TBP: variants seen among roughly 807,000 people sequenced by gnomAD.
TBP encodes the protein TATA-box binding protein, also known as TATA-box-binding protein.
A neutral mutation model predicts 46.2 loss-of-function variants in TBP; 12 were observed. The observed-to-expected ratio is 0.26, with a 90% CI of 0.17 to 0.42. The LOEUF (loss-of-function observed/expected upper bound fraction) is 0.42. TBP is among the 10% of genes least tolerant of loss of function. The pLI, the probability that TBP is intolerant of heterozygous loss-of-function variation, is 1.00. For missense variants in TBP, 229 were observed against 403.1 expected (o/e 0.57, Z 3.70); for synonymous variants, 157 against 148.3 (o/e 1.06, Z -0.42).
At chr6:170,557,376 C>A (rs1259602363) in intron 2 of TBP, among the ~76,000 whole-genome samples, 1 of 152,050 alleles carries the variant, frequency 6.6e-6, no homozygotes, top group East Asian at 1.9e-4. Context: ...TCACCCTCAC[C>A]AAATTATTTT....
intron 2 of TBP, 38 bp from the exon 3 acceptor site, chr6:170,561,753 C>G: frequency 6.3e-7 from 1 of 1,588,784 alleles, no homozygotes; most frequent in East Asian, 2.2e-5. Context: ...CACTTAGCAG[C>G]AGCCAGCCTA....
chr6:170,568,070 C>A (rs1779297366), intron 5 of TBP, among the ~76,000 whole-genome samples: 1 of 152,166 alleles, frequency 6.6e-6, no homozygotes, highest in Non-Finnish European at 1.5e-5. Flanking sequence ...TTGGTGTGGA[C>A]ATTCTGGCTC....
rs780609393 is a variant in TBP, at chr6:170,572,139, G to C, written c.941-47G>C. On this transcript the variant is annotated intron_variant, in intron 7 of 7. Transcript: ENST00000392092. The stretch of plus-strand genomic sequence containing the variant: ...GAATTTTACCATCTTAATATGTTAA[G>C]AAGTGCCATTTCAGTCTCTCATCTC... The C allele has an allele frequency of 5.0e-6, 7 of 1,413,048 alleles. No homozygotes were observed. In the Admixed American group the frequency reaches 8.4e-5, roughly 17 times the overall value. 87.5% of individuals were successfully genotyped at this position (1,413,048 alleles called of 1,614,324 possible). A position where few individuals can be genotyped will look rare whatever the true frequency, so the allele number is the denominator to read the frequency against.
intron 3 of TBP, among the ~76,000 whole-genome samples, chr6:170,563,317 A>C (rs1465894977): frequency 6.6e-6 from 1 of 152,228 alleles, no homozygotes; most frequent in Non-Finnish European, 1.5e-5. Context: ...TACTCCCCAG[A>C]GCATCCAGTC....
intron 5 of TBP, among the ~76,000 whole-genome samples, chr6:170,567,759 A>G (rs1214181645): frequency 6.6e-6 from 1 of 152,148 alleles, no homozygotes; most frequent in African/African-American, 2.4e-5. Flanking sequence ...TGCAGATCTT[A>G]AGGAATGCAC....
At chr6:170,561,529 T>C (rs1433010192) in intron 2 of TBP, among the ~76,000 whole-genome samples, 1 of 152,218 alleles carries the variant, frequency 6.6e-6, no homozygotes, top group Admixed American at 6.5e-5. Context: ...ATTTTCTCAA[T>C]GGTGTCTTTC....
Position 170,569,593 on chromosome 6 carries a change from A to C in TBP, c.678-19A>C, listed in dbSNP as rs1401047454. 6 of 1,606,592 alleles carry C rather than the reference A, an allele frequency of 3.7e-6. No homozygotes were observed. Among genetic ancestry groups the C allele is most frequent in the African/African-American group, 1.3e-5 (1 of 74,488 alleles). On this transcript the variant is annotated intron_variant, in intron 5 of 7. Transcript: ENST00000392092. Reference sequence around the variant, plus strand: ...AGCTGGCTCTGAGTATGAATAACTCACTTTTTTCCTTTCCCTAGTGAAGAA... The same window carrying C: ...AGCTGGCTCTGAGTATGAATAACTCCCTTTTTTCCTTTCCCTAGTGAAGAA...
chr6:170,566,006 C>A (rs9460226), intron 4 of TBP, among the ~76,000 whole-genome samples: 1 of 151,698 alleles, frequency 6.6e-6, no homozygotes, highest in South Asian at 2.1e-4. Context: ...CTCAGGAATT[C>A]GAGGCTGCAG....
At chr6:170,571,005 T>C (rs1438439330) in intron 6 of TBP, among the ~76,000 whole-genome samples, 1 of 152,206 alleles carries the variant, frequency 6.6e-6, no homozygotes, top group East Asian at 1.9e-4. Context: ...ACTGTCAGTA[T>C]TGGATCTTAG....
chr6:170,567,079 G>C, intron 5 of TBP, 70 bp downstream of exon 5: 1 of 1,254,676 alleles, frequency 8.0e-7, no homozygotes, highest in Non-Finnish European at 1.1e-6. Context: ...ATTGTTTTTA[G>C]GTTATTAGGT....
intron 2 of TBP, among the ~76,000 whole-genome samples, chr6:170,557,887 A>C (rs890135626): frequency 1.3e-5 from 2 of 152,148 alleles, no homozygotes; most frequent in African/African-American, 4.8e-5. Context: ...TCCCCTTTAT[A>C]GTCACTCTGC....
chr6:170,557,158 G>A, intron 2 of TBP, 75 bp downstream of exon 2: 1 of 1,372,976 alleles, frequency 7.3e-7, no homozygotes, highest in Non-Finnish European at 1.0e-6. Context: ...AGGCAAGGAA[G>A]GGCATTTAAT....
Position 170,564,571 on chromosome 6 carries a change from G to T in TBP, c.524G>T (p.Gly175Val), listed in dbSNP as rs1367954958. 1.2e-6 allele frequency: 2 copies of T among 1,609,754 alleles called. No individual in the cohort carries two copies. Among genetic ancestry groups the T allele is most frequent in the Non-Finnish European group, 8.5e-7 (1 of 1,177,824 alleles). Residue 175 changes from glycine to valine, a missense_variant, in exon 4 of 8, where the codon GGT becomes GTT. By Grantham distance (109) the Gly-to-Val change is moderately radical (BLOSUM62 -3). This residue lies in a region of TBP where 67 missense variants were observed against 188.2 expected (regional missense o/e 0.36). Coordinates refer to ENST00000392092, the MANE Select transcript of TBP (RefSeq NM_003194.5). ...LQNIVSTVNL[G>V]CKLDLKTIAL... ...AATATTGTATCCACAGTGAATCTTG[G>T]TTGTAAACTTGACCTAAAGACCATT...
intron 3 of TBP, 68 bp downstream of exon 3, chr6:170,562,301 T>C: frequency 1.4e-6 from 2 of 1,480,644 alleles, no homozygotes; most frequent in Non-Finnish European, 1.8e-6. Flanking sequence ...CTGCTCTGTT[T>C]TCAGATGGAT....
chr6:170,571,779 A>T (rs77693808), intron 7 of TBP, among the ~76,000 whole-genome samples: 6,503 of 152,116 alleles, frequency 0.043, 169 homozygotes, highest in Middle Eastern at 0.086. Context: ...TAGTTATCTG[A>T]AGCTTTAGGA....
intron 4 of TBP, among the ~76,000 whole-genome samples, chr6:170,566,224 T>C (rs1391479097): frequency 6.6e-6 from 1 of 152,244 alleles, no homozygotes; most frequent in African/African-American, 2.4e-5. Context: ...TATTTGCTTT[T>C]TATCATGTAC....
rs573680381 is a variant in TBP, at chr6:170,557,696, A to G, written c.54+613A>G. Among the ~76,000 whole-genome samples the G allele has an allele frequency of 6.1e-4, 81 of 132,806 alleles. No individual in the cohort carries two copies. The East Asian group carries it at 0.014, about 23-fold the overall frequency. The allele number at this position is 132,806 out of a possible 152,430, so 87.1% of individuals were successfully genotyped here. A position where few individuals can be genotyped will look rare whatever the true frequency, so the allele number is the denominator to read the frequency against. The stretch of plus-strand genomic sequence containing the variant: ...GGTTGCAGTGAGCAGAGGTCGTGCC[A>G]CTGCACTCCAGCCTGGGAGACAGAG... On this transcript the variant is annotated intron_variant, in intron 2 of 7. Transcript: ENST00000392092.
chr6:170,568,049 T>C (rs940254636), intron 5 of TBP, among the ~76,000 whole-genome samples: 1 of 152,242 alleles, frequency 6.6e-6, no homozygotes, highest in African/African-American at 2.4e-5. Context: ...CTTTCAGTGA[T>C]GGGAATGCCA....
Position 170,556,152 on chromosome 6 carries a change from A to G in TBP, c.-148-730A>G, listed in dbSNP as rs1389188056. 2.6e-5 allele frequency among the ~76,000 whole-genome samples: 4 copies of G among 152,194 alleles called. No individual in the cohort carries two copies. In the East Asian group the frequency reaches 5.8e-4, roughly 22 times the overall value. On this transcript the variant is annotated intron_variant, in intron 1 of 7. Coordinates refer to ENST00000392092, the MANE Select transcript of TBP (RefSeq NM_003194.5). ...GTACCAGCACATGCTTGAAGTGCATATGCCTGAAGGATCTTTGGACATATA... is the reference window on the plus strand; with the variant it reads ...GTACCAGCACATGCTTGAAGTGCATGTGCCTGAAGGATCTTTGGACATATA...
Sources: gnomAD v4.1 joint callset for allele counts (sites outside exome capture counted in the v4.1 genomes callset) on GRCh38, gnomAD v4.1.1 for gene constraint, gnomAD v4.1.1 regional missense constraint, MANE v1.5 for transcripts, NCBI Gene and HGNC (gene_info 2026-07-23, HGNC 2026-07-21) for gene names.